FHIT: variants seen among roughly 807,000 people sequenced by gnomAD.
FHIT encodes the protein fragile histidine triad diadenosine triphosphatase.
In FHIT, 19 loss-of-function variants were observed where a neutral mutation model predicts 17.9. The ratio of observed to expected loss-of-function variants is 1.06; its 90% CI spans 0.74 to 1.56. The LOEUF is 1.56. Ranked by LOEUF, FHIT falls within the 40% of genes most tolerant of loss-of-function variation. The pLI is 0.00. For missense variants in FHIT, 248 were observed against 189.2 expected, an observed-to-expected ratio of 1.31 and a Z score of -1.82; for synonymous variants, 81 against 69.7, an observed-to-expected ratio of 1.16 and a Z score of -0.81.
intron 7 of FHIT, among the ~76,000 whole-genome samples, chr3:59,974,505 A>G (rs562075209): frequency 6.6e-6 from 1 of 152,280 alleles, no homozygotes; most frequent in African/African-American, 2.4e-5. Flanking sequence ...AGCATGAGAA[A>G]CAAACACAGA....
intron 5 of FHIT, among the ~76,000 whole-genome samples, chr3:60,068,262 A>C (rs1233494227): frequency 2.6e-5 from 4 of 151,684 alleles, no homozygotes; most frequent in Non-Finnish European, 5.9e-5. Flanking sequence ...ACAAAACAAA[A>C]AGCATTTTTT....
intron 8 of FHIT, among the ~76,000 whole-genome samples, chr3:59,778,066 G>A (rs1303783153): frequency 6.6e-6 from 1 of 152,052 alleles, no homozygotes; most frequent in African/African-American, 2.4e-5. Flanking sequence ...GGTTTTTTCT[G>A]TCTCTCCTAC....
chr3:60,630,025 G>C (rs1284686307), intron 4 of FHIT, among the ~76,000 whole-genome samples: 1 of 152,188 alleles, frequency 6.6e-6, no homozygotes, highest in East Asian at 1.9e-4. Flanking sequence ...GGGGATCAAA[G>C]CGTATGGGAG....
intron 5 of FHIT, among the ~76,000 whole-genome samples, chr3:60,084,661 G>A (rs995596054): frequency 9.9e-5 from 15 of 152,040 alleles, no homozygotes; most frequent in African/African-American, 1.9e-4. Context: ...AAAATGATAC[G>A]AGTAAACACG....
In FHIT at chr3:59,961,529, GACCC is replaced by G. The variant is rs560977972; in HGVS notation, c.280-39119_280-39116del. 1.4e-3 allele frequency among the ~76,000 whole-genome samples: 211 copies of G among 152,256 alleles called. 1 individual carries two copies. The highest frequency in any genetic ancestry group is 2.5e-3 in the Non-Finnish European group (172 of 68,032). On this transcript the variant is annotated intron_variant, in intron 7 of 9. Transcript: ENST00000492590. ...ACCCAGTTTTGTGCTTGAAATCCAGGACCCCACTGGTGTAGGCATCTGTGGGGAA... is the reference window on the plus strand; with the variant it reads ...ACCCAGTTTTGTGCTTGAAATCCAGGCACTGGTGTAGGCATCTGTGGGGAA...
At chr3:60,202,287 C>T (rs891533217) in intron 5 of FHIT, among the ~76,000 whole-genome samples, 2 of 152,218 alleles carry the variant, frequency 1.3e-5, no homozygotes, top group African/African-American at 2.4e-5. Context: ...GTTTCTGATT[C>T]TCAGTCTGAA....
chr3:59,850,196 T>C (rs1701878538), intron 8 of FHIT, among the ~76,000 whole-genome samples: 1 of 152,208 alleles, frequency 6.6e-6, no homozygotes, highest in Non-Finnish European at 1.5e-5. Context: ...AAAGTAAAGA[T>C]GCTGGATTTA....
intron 4 of FHIT, among the ~76,000 whole-genome samples, chr3:60,604,066 C>G (rs2107717933): frequency 6.6e-6 from 1 of 152,244 alleles, no homozygotes; most frequent in Admixed American, 6.5e-5. Flanking sequence ...CAATAACATT[C>G]TTCAGTAGGA....
chr3:60,159,267 C>A (rs997163745), intron 5 of FHIT, among the ~76,000 whole-genome samples: 1 of 152,074 alleles, frequency 6.6e-6, no homozygotes, highest in Non-Finnish European at 1.5e-5. Context: ...ACTACAGGTG[C>A]CTGCCACCAC....
intron 5 of FHIT, among the ~76,000 whole-genome samples, chr3:60,298,202 T>C (rs1459356613): frequency 6.6e-6 from 1 of 152,076 alleles, no homozygotes. Flanking sequence ...TCATTTCTTA[T>C]GCATGATTGA....
At chr3:61,040,910 T>C (rs1299466782) in intron 3 of FHIT, among the ~76,000 whole-genome samples, 1 of 152,188 alleles carries the variant, frequency 6.6e-6, no homozygotes, top group Non-Finnish European at 1.5e-5. Context: ...GGAGGGAGCA[T>C]GTCCATAAAT....
chr3:60,351,407 G>A (rs1476512397), intron 5 of FHIT, among the ~76,000 whole-genome samples: 1 of 152,098 alleles, frequency 6.6e-6, no homozygotes, highest in East Asian at 1.9e-4. Context: ...AGAGAGGTCT[G>A]GTGTAACTTT....
intron 3 of FHIT, among the ~76,000 whole-genome samples, chr3:61,028,327 T>G (rs1475735446): frequency 6.6e-6 from 1 of 152,148 alleles, no homozygotes; most frequent in African/African-American, 2.4e-5. Context: ...CCAAGACAGT[T>G]GAGCAGGGAG....
intron 9 of FHIT, chr3:59,751,996 T>A: frequency 2.4e-6 from 1 of 415,172 alleles, no homozygotes. Context: ...CTGGGGGCAC[T>A]GGCTTGGAAG....
intron 5 of FHIT, among the ~76,000 whole-genome samples, chr3:60,357,660 C>T (rs919834112): frequency 8.5e-5 from 13 of 152,128 alleles, no homozygotes; most frequent in African/African-American, 3.1e-4. Flanking sequence ...AAGCTTAATC[C>T]AACATGAAAA....
intron 5 of FHIT, among the ~76,000 whole-genome samples, chr3:60,235,475 T>C (rs1012562773): frequency 3.3e-5 from 5 of 152,080 alleles, no homozygotes; most frequent in African/African-American, 1.2e-4. Flanking sequence ...CGTGATCTGC[T>C]GGCCTCAGCC....
intron 5 of FHIT, among the ~76,000 whole-genome samples, chr3:60,359,574 C>T (rs1029143927): frequency 1.3e-5 from 2 of 152,278 alleles, no homozygotes; most frequent in East Asian, 1.9e-4. Flanking sequence ...CCACTGTGCC[C>T]GGCCTGAATA....
chr3:60,653,422 A>G (rs2040042776), intron 4 of FHIT, among the ~76,000 whole-genome samples: 1 of 152,124 alleles, frequency 6.6e-6, no homozygotes, highest in Non-Finnish European at 1.5e-5. Flanking sequence ...CAAGTACAGA[A>G]GTAAGTGAGA....
At chr3:60,168,068 G>A (rs1463169996) in intron 5 of FHIT, among the ~76,000 whole-genome samples, 1 of 152,126 alleles carries the variant, frequency 6.6e-6, no homozygotes, top group Admixed American at 6.5e-5. Flanking sequence ...AACTTGTCCT[G>A]AGTTGATCAA....
Sources: allele counts gnomAD v4.1 joint callset (sites outside exome capture counted in the v4.1 genomes callset), GRCh38; gene constraint gnomAD v4.1.1; transcripts MANE v1.5; gene names NCBI Gene and HGNC (gene_info 2026-07-23, HGNC 2026-07-21).